Variants in KHDC1 observed in about 807,000 individuals in gnomAD.
KHDC1 encodes KH homology domain-containing protein 1.
A neutral mutation model predicts 24.7 loss-of-function variants in KHDC1; 21 were observed. The observed-to-expected ratio is 0.85, with a 90% CI of 0.60 to 1.23. The LOEUF (loss-of-function observed/expected upper bound fraction) is 1.23, where lower values mean the gene tolerates loss of function less well. Among genes scored for constraint, KHDC1 ranks in the 50% most tolerant of loss-of-function variants. KHDC1 has a pLI of 0.00. For missense variants in KHDC1, 274 were observed against 298.5 expected, an observed-to-expected ratio of 0.92 and a Z score of 0.61; for synonymous variants, 98 against 111.7, an observed-to-expected ratio of 0.88 and a Z score of 0.77.
intron 2 of KHDC1, 73 bp from the exon 2 acceptor site, chr6:73,242,603 T>C (rs142837568): frequency 0.028 from 45,065 of 1,597,332 alleles, 853 homozygotes; most frequent in Non-Finnish European, 0.034. Flanking sequence ...GGGCCTAGGC[T>C]CTGTCCTTAA....
chr6:73,265,102 T>A (rs1767056575), intron 2 of KHDC1, among the ~76,000 whole-genome samples: 1 of 152,140 alleles, frequency 6.6e-6, no homozygotes, highest in African/African-American at 2.4e-5. Flanking sequence ...TCTAAGACCT[T>A]TAGGTTGAGT....
chr6:73,302,440 T>C (rs1196163706), intron 1 of KHDC1, among the ~76,000 whole-genome samples: 1 of 152,216 alleles, frequency 6.6e-6, no homozygotes, highest in Non-Finnish European at 1.5e-5. Flanking sequence ...AAACCTAGAT[T>C]GTATAGCCTA....
intron 2 of KHDC1, among the ~76,000 whole-genome samples, chr6:73,262,255 A>G (rs1008264279): frequency 1.3e-5 from 2 of 152,184 alleles, no homozygotes; most frequent in African/African-American, 4.8e-5. Flanking sequence ...GAACTAGAGG[A>G]GTTAATACAT....
At chr6:73,285,286 C>G (rs1339699564) in intron 2 of KHDC1, among the ~76,000 whole-genome samples, 1 of 152,004 alleles carries the variant, frequency 6.6e-6, no homozygotes, top group Non-Finnish European at 1.5e-5. Context: ...CGCAGGTTGA[C>G]TCTGCTGATT....
chr6:73,278,001 TCTC>T (rs759033200), intron 2 of KHDC1, among the ~76,000 whole-genome samples: 21,768 of 139,756 alleles, frequency 0.16, 1,826 homozygotes, highest in African/African-American at 0.22. Context: ...TCTCTCTCTC[TCTC>T]GGGTGTTTTT....
chr6:73,287,879 G>A (rs1293101777), intron 2 of KHDC1, among the ~76,000 whole-genome samples: 1 of 152,148 alleles, frequency 6.6e-6, no homozygotes. Context: ...GCTTCCAAAT[G>A]TATACTTGGA....
chr6:73,271,850 G>A (rs1484876388), intron 2 of KHDC1, among the ~76,000 whole-genome samples: 2 of 151,552 alleles, frequency 1.3e-5, no homozygotes, highest in Non-Finnish European at 2.9e-5. Flanking sequence ...AGCTGAGATC[G>A]TGCCACTGCA....
intron 2 of KHDC1, among the ~76,000 whole-genome samples, chr6:73,282,609 G>A (rs1379925775): frequency 6.6e-6 from 1 of 152,082 alleles, no homozygotes; most frequent in African/African-American, 2.4e-5. Context: ...GCAGCTGGAG[G>A]CTACAAGATT....
At chr6:73,264,866 CTT>C (rs1022679337) in intron 2 of KHDC1, among the ~76,000 whole-genome samples, 1 of 152,164 alleles carries the variant, frequency 6.6e-6, no homozygotes, top group Non-Finnish European at 1.5e-5. Flanking sequence ...TACCTGGACT[CTT>C]GAGTGAGCAA....
chr6:73,285,652 T>C (rs1159939738), intron 2 of KHDC1, among the ~76,000 whole-genome samples: 2 of 150,002 alleles, frequency 1.3e-5, no homozygotes, highest in African/African-American at 4.9e-5. Flanking sequence ...TTTTTTTCTT[T>C]TTTTTTTTTT....
intron 1 of KHDC1, chr6:73,309,439 G>A: frequency 9.3e-7 from 1 of 1,076,948 alleles, no homozygotes; most frequent in Admixed American, 3.1e-5. Context: ...ACTGTCCTAG[G>A]CCTTCAGACT....
chr6:73,249,405 A>G (rs755006346), intron 2 of KHDC1, among the ~76,000 whole-genome samples: 1 of 152,212 alleles, frequency 6.6e-6, no homozygotes, highest in Non-Finnish European at 1.5e-5. Flanking sequence ...TTATTCATGC[A>G]TAATTATGAA....
intron 2 of KHDC1, among the ~76,000 whole-genome samples, chr6:73,245,903 C>T (rs1405114250): frequency 1.3e-5 from 2 of 152,138 alleles, no homozygotes; most frequent in South Asian, 2.1e-4. Flanking sequence ...ATGGCTAGAA[C>T]GTATTTACAA....
rs183544601 is a variant in KHDC1 at position 73,277,501 on chromosome 6, C to T, written c.206+14497G>A. On this transcript the variant is annotated intron_variant, in intron 2 of 4. Coordinates refer to ENST00000370384, the Ensembl canonical transcript of KHDC1. Reference sequence around the variant, plus strand: ...GAACAAGTCTGTCATGTTTCTTTATCATGATTTTCAGTAGCTTAAATGACA... The same window carrying T: ...GAACAAGTCTGTCATGTTTCTTTATTATGATTTTCAGTAGCTTAAATGACA... Among the ~76,000 whole-genome samples the T allele has an allele frequency of 6.6e-5, 10 of 152,234 alleles. No individual in the cohort carries two copies. The East Asian group carries it at 1.9e-3, about 29-fold the overall frequency.
chr6:73,291,253 C>T (rs1246764383), intron 2 of KHDC1: 1 of 376,520 alleles, frequency 2.7e-6, no homozygotes, highest in Non-Finnish European at 5.3e-6. Flanking sequence ...TAAGAATAAC[C>T]ACTGAGTGGC....
chr6:73,307,253 C>T (rs1767981901), intron 1 of KHDC1, among the ~76,000 whole-genome samples: 1 of 151,914 alleles, frequency 6.6e-6, no homozygotes, highest in Non-Finnish European at 1.5e-5. Context: ...GATGGTGAAA[C>T]CCCGTCTCTA....
chr6:73,249,096 C>A (rs1406652754), intron 2 of KHDC1, among the ~76,000 whole-genome samples: 1 of 151,834 alleles, frequency 6.6e-6, no homozygotes, highest in African/African-American at 2.4e-5. Context: ...ATTATTAACC[C>A]TTGAGTGAAA....
intron 2 of KHDC1, among the ~76,000 whole-genome samples, chr6:73,245,979 A>G (rs978170659): frequency 3.3e-5 from 5 of 152,220 alleles, no homozygotes; most frequent in African/African-American, 1.2e-4. Flanking sequence ...TTATTTCCTC[A>G]GGATTCCGGG....
chr6:73,278,949 T>A (rs1481484107), intron 2 of KHDC1, among the ~76,000 whole-genome samples: 1 of 152,226 alleles, frequency 6.6e-6, no homozygotes, highest in African/African-American at 2.4e-5. Context: ...GAATACATTC[T>A]CTCACACTTG....
Sources: allele counts gnomAD v4.1 joint callset (sites outside exome capture counted in the v4.1 genomes callset), GRCh38; gene constraint gnomAD v4.1.1; transcripts MANE v1.5; gene names NCBI Gene and HGNC (gene_info 2026-07-23, HGNC 2026-07-21).